RAI14: variants seen among roughly 807,000 people sequenced by gnomAD.
RAI14 encodes the protein retinoic acid induced 14.
In RAI14, 45 loss-of-function variants were observed where a neutral mutation model predicts 115.4. The observed-to-expected ratio is 0.39, with a 90% CI of 0.31 to 0.50. RAI14 has a LOEUF of 0.50. Among genes scored for constraint, RAI14 ranks in the 20% least tolerant of loss-of-function variants. RAI14 has a pLI of 0.85. For synonymous variants in RAI14, 371 were observed against 415.4 expected (o/e 0.89, Z 1.30); for missense variants, 939 against 1,131.2 (o/e 0.83, Z 2.44).
At chr5:34,762,969 G>A (rs971814107) in intron 3 of RAI14, among the ~76,000 whole-genome samples, 4 of 130,618 alleles carry the variant, frequency 3.1e-5, no homozygotes, top group East Asian at 4.1e-4. Context: ...GTGTGTGTGT[G>A]TGTGTGTATG....
At chr5:34,688,234 G>A in intron 2 of RAI14, 1 of 1,551,174 alleles carries the variant, frequency 6.4e-7, no homozygotes, top group East Asian at 2.4e-5. Flanking sequence ...GTGGCTTTCA[G>A]CTAAGGAGAA....
chr5:34,752,862 G>C (rs992090774), intron 2 of RAI14, among the ~76,000 whole-genome samples: 3 of 150,732 alleles, frequency 2.0e-5, no homozygotes, highest in African/African-American at 4.9e-5. Flanking sequence ...CCACCTCCCG[G>C]GTTCAAACGA....
intron 16 of RAI14, among the ~76,000 whole-genome samples, chr5:34,828,935 A>G (rs1757729935): frequency 6.6e-6 from 1 of 152,190 alleles, no homozygotes; most frequent in African/African-American, 2.4e-5. Context: ...TTTAAAAATT[A>G]AATTAGTACA....
chr5:34,698,155 CT>C, intron 2 of RAI14, among the ~76,000 whole-genome samples: 1 of 42,532 alleles, frequency 2.4e-5, no homozygotes, highest in East Asian at 7.6e-4. Flanking sequence ...CTCTGCCTCC[CT>C]TCCTCCCTCC....
intron 3 of RAI14, among the ~76,000 whole-genome samples, chr5:34,786,593 T>C (rs1054615342): frequency 6.4e-4 from 97 of 152,180 alleles, no homozygotes; most frequent in African/African-American, 2.2e-3. Context: ...ACTTGTCCAG[T>C]TGTTACCCTG....
chr5:34,700,708 G>A (rs916714207), intron 2 of RAI14, among the ~76,000 whole-genome samples: 5 of 152,226 alleles, frequency 3.3e-5, no homozygotes, highest in Admixed American at 2.6e-4. Context: ...TGTCTGTGCT[G>A]TGTGAAATTA....
At chr5:34,701,020 A>G (rs1474286840) in intron 2 of RAI14, among the ~76,000 whole-genome samples, 1 of 152,208 alleles carries the variant, frequency 6.6e-6, no homozygotes, top group Admixed American at 6.5e-5. Context: ...ATAAGAAAAG[A>G]CAGTCCTTCG....
intron 1 of RAI14, chr5:34,684,889 T>G (rs1430705855): frequency 6.6e-6 from 1 of 152,228 alleles, no homozygotes; most frequent in African/African-American, 2.4e-5. Flanking sequence ...TCAGTTCTCC[T>G]CTGGGATGGT....
intron 3 of RAI14, among the ~76,000 whole-genome samples, chr5:34,767,099 TG>T (rs545151113): frequency 1.3e-5 from 2 of 152,242 alleles, no homozygotes; most frequent in Non-Finnish European, 2.9e-5. Context: ...TTCCCAGTTT[TG>T]GGTATGTCTT....
At chr5:34,687,506 A>G in intron 2 of RAI14, 1 of 1,331,100 alleles carries the variant, frequency 7.5e-7, no homozygotes. Flanking sequence ...TCTGGATTGG[A>G]GGAAGCAGTT....
At chr5:34,666,834 C>T (rs1743259196) in intron 1 of RAI14, among the ~76,000 whole-genome samples, 1 of 152,196 alleles carries the variant, frequency 6.6e-6, no homozygotes, top group Non-Finnish European at 1.5e-5. Context: ...TGTCAGGTTT[C>T]CCATTACCAG....
chr5:34,785,077 A>G (rs374831837), intron 3 of RAI14, among the ~76,000 whole-genome samples: 42 of 152,332 alleles, frequency 2.8e-4, no homozygotes, highest in African/African-American at 9.1e-4. Context: ...CAAAGACTGG[A>G]GAATTTCAGG....
At chr5:34,732,297 TGG>T (rs1744293166) in intron 2 of RAI14, among the ~76,000 whole-genome samples, 1 of 152,102 alleles carries the variant, frequency 6.6e-6, no homozygotes, top group Non-Finnish European at 1.5e-5. Flanking sequence ...ATGTGGCCCA[TGG>T]ACTCGACAGT....
At chr5:34,772,162 C>T (rs57328315) in intron 3 of RAI14, among the ~76,000 whole-genome samples, 8 of 152,314 alleles carry the variant, frequency 5.3e-5, no homozygotes, top group East Asian at 3.9e-4. Context: ...ATCCACTTGC[C>T]TCAGCCTCCC....
At chr5:34,781,096 C>T (rs975170948) in intron 3 of RAI14, among the ~76,000 whole-genome samples, 1 of 151,790 alleles carries the variant, frequency 6.6e-6, no homozygotes, top group African/African-American at 2.4e-5. Flanking sequence ...TGGAAACCAT[C>T]ATTCTCAGCA....
rs539869272 is a variant in RAI14, at chr5:34,693,892, T to G, written c.36+6937T>G. ...AGCTCACCAATGTCAGCATTATTCC[T>G]CCTGTGACAGGGCAAGATTCTTTGT... On this transcript the variant is annotated intron_variant, in intron 2 of 17. Transcript: ENST00000265109. Among the ~76,000 whole-genome samples the G allele has an allele frequency of 4.6e-5, 7 of 152,334 alleles. No homozygotes were observed. The South Asian group carries it at 1.0e-3, about 23-fold the overall frequency.
rs1425343559 is a variant in RAI14, at chr5:34,687,940, A to G, written c.36+985A>G. ...CTCCTGAGGCTGCATCATGACATGT[A>G]ACTTACTGCCCTGATAAAACCCAGG... On this transcript the variant is annotated intron_variant, in intron 2 of 17. Transcript: ENST00000265109. 8.3e-6 allele frequency: 8 copies of G among 964,934 alleles called. No individual in the cohort carries two copies. The African/African-American group carries it at 9.9e-5, about 12-fold the overall frequency. 59.8% of individuals were successfully genotyped at this position (964,934 alleles called of 1,614,324 possible). A position where few individuals can be genotyped will look rare whatever the true frequency, so the allele number is the denominator to read the frequency against.
At chr5:34,808,023 G>A (rs1009111450) in intron 6 of RAI14, among the ~76,000 whole-genome samples, 166 bp downstream of exon 6, 15 of 152,044 alleles carry the variant, frequency 9.9e-5, no homozygotes, top group African/African-American at 2.7e-4. Context: ...CAGTTTTACC[G>A]AGGCATATGC....
At chr5:34,680,323 A>G (rs1197630892) in intron 1 of RAI14, among the ~76,000 whole-genome samples, 1 of 152,190 alleles carries the variant, frequency 6.6e-6, no homozygotes, top group East Asian at 1.9e-4. Flanking sequence ...GGGAAGCCCA[A>G]GGACATGGTG....
Sources: allele counts gnomAD v4.1 joint callset (sites outside exome capture counted in the v4.1 genomes callset), GRCh38; gene constraint gnomAD v4.1.1; transcripts MANE v1.5; gene names NCBI Gene and HGNC (gene_info 2026-07-23, HGNC 2026-07-21).